SMYD3: variants seen among roughly 807,000 people sequenced by gnomAD.
SMYD3 encodes SET and MYND domain containing 3, also known as histone-lysine N-methyltransferase SMYD3.
In SMYD3, 36 loss-of-function variants were observed where a neutral mutation model predicts 57.7. That is an observed-to-expected ratio of 0.62 (90% CI 0.48 to 0.82). The LOEUF (loss-of-function observed/expected upper bound fraction) is 0.82. Among genes scored for constraint, SMYD3 ranks in the 40% least tolerant of loss-of-function variants. The pLI is 0.00. For synonymous variants in SMYD3, 211 were observed against 195.0 expected, an observed-to-expected ratio of 1.08 and a Z score of -0.68; for missense variants, 515 against 538.8, an observed-to-expected ratio of 0.96 and a Z score of 0.44.
At chr1:245,880,898 G>A (rs1434262470) in intron 8 of SMYD3, among the ~76,000 whole-genome samples, 1 of 152,200 alleles carries the variant, frequency 6.6e-6, no homozygotes, top group African/African-American at 2.4e-5. Flanking sequence ...TTGCCCAAGA[G>A]TGGAACATTG....
chr1:245,828,689 C>T (rs1161317140), intron 10 of SMYD3, among the ~76,000 whole-genome samples: 1 of 148,368 alleles, frequency 6.7e-6, no homozygotes, highest in African/African-American at 2.5e-5. Context: ...CATATTAGGA[C>T]ATGGATGTCA....
At chr1:246,385,528 G>T (rs894512437) in intron 1 of SMYD3, among the ~76,000 whole-genome samples, 1 of 152,028 alleles carries the variant, frequency 6.6e-6, no homozygotes, top group Non-Finnish European at 1.5e-5. Context: ...ATTCCTAGGA[G>T]AGAAAGGACC....
intron 5 of SMYD3, among the ~76,000 whole-genome samples, chr1:245,965,786 T>C (rs190857988): frequency 3.3e-5 from 5 of 152,316 alleles, no homozygotes; most frequent in African/African-American, 1.2e-4. Flanking sequence ...GAAAAAAGTC[T>C]GTATGACGCT....
chr1:246,054,873 T>TAAAA lies in SMYD3; in HGVS notation c.532-124940_532-124937dup, dbSNP rs749022916. Among the ~76,000 whole-genome samples, 7 of 79,104 alleles carry TAAAA rather than the reference T, an allele frequency of 8.8e-5. 1 individual carries two copies. The highest frequency in any genetic ancestry group is 3.9e-4 in the South Asian group (1 of 2,590). 51.9% of individuals were successfully genotyped at this position (79,104 alleles called of 152,430 possible). ...ACCTTAACACTCATTAGGATGACTA[T>TAAAA]AAAAAAAAAAAAAAAAAAAAGGCCA... On this transcript the variant is annotated intron_variant, in intron 5 of 11. Transcript: ENST00000490107.
At chr1:246,304,945 G>T (rs933242395) in intron 5 of SMYD3, among the ~76,000 whole-genome samples, 2 of 152,132 alleles carry the variant, frequency 1.3e-5, no homozygotes, top group Non-Finnish European at 1.5e-5. Context: ...ATTAAGAGCA[G>T]CCTTGCTTGC....
At chr1:246,413,933 G>T (rs187617150) in intron 1 of SMYD3, among the ~76,000 whole-genome samples, 3 of 152,090 alleles carry the variant, frequency 2.0e-5, no homozygotes, top group Non-Finnish European at 4.4e-5. Flanking sequence ...TTAAAACTCC[G>T]AAAAAACAAA....
intron 5 of SMYD3, among the ~76,000 whole-genome samples, chr1:246,279,325 A>T (rs564933510): frequency 6.6e-6 from 1 of 152,258 alleles, no homozygotes; most frequent in African/African-American, 2.4e-5. Flanking sequence ...GTTCCAGACC[A>T]GCCTGGCCAA....
chr1:245,958,320 C>T (rs1017495032), intron 5 of SMYD3, among the ~76,000 whole-genome samples: 1 of 152,170 alleles, frequency 6.6e-6, no homozygotes, highest in African/African-American at 2.4e-5. Flanking sequence ...GACTGCTTAT[C>T]CATGAAGGCC....
intron 5 of SMYD3, among the ~76,000 whole-genome samples, chr1:245,965,769 G>A (rs1195205015): frequency 6.6e-6 from 1 of 152,150 alleles, no homozygotes; most frequent in Non-Finnish European, 1.5e-5. Flanking sequence ...AAGATTTTGG[G>A]GGCAGTGAAA....
intron 5 of SMYD3, among the ~76,000 whole-genome samples, chr1:246,207,154 A>T (rs2063012711): frequency 6.6e-6 from 1 of 152,168 alleles, no homozygotes; most frequent in Admixed American, 6.5e-5. Context: ...ATAAAAATTA[A>T]ATATGTGTTA....
intron 10 of SMYD3, among the ~76,000 whole-genome samples, chr1:245,787,529 ATGC>A (rs2047095843): frequency 6.6e-6 from 1 of 152,110 alleles, no homozygotes; most frequent in African/African-American, 2.4e-5. Context: ...GGCCTCACAA[ATGC>A]TGCCTTCTCC....
At chr1:245,821,238 C>T (rs936266878) in intron 10 of SMYD3, among the ~76,000 whole-genome samples, 18 of 148,078 alleles carry the variant, frequency 1.2e-4, no homozygotes, top group South Asian at 4.6e-4. Flanking sequence ...TCAGAAATAA[C>T]GCCACATATC....
intron 5 of SMYD3, among the ~76,000 whole-genome samples, chr1:246,025,218 A>G (rs10802319): frequency 0.34 from 35,287 of 104,390 alleles, 8,910 homozygotes; most frequent in African/African-American, 0.62. Flanking sequence ...ACAGCAAGTG[A>G]ACAGCATCTA....
chr1:246,419,789 A>G (rs2067115678), intron 1 of SMYD3, among the ~76,000 whole-genome samples: 1 of 152,224 alleles, frequency 6.6e-6, no homozygotes, highest in African/African-American at 2.4e-5. Context: ...TCCAAGGTGG[A>G]ATAGTTTCAT....
chr1:246,350,517 G>A (rs1206285460), intron 2 of SMYD3, among the ~76,000 whole-genome samples: 1 of 152,186 alleles, frequency 6.6e-6, no homozygotes, highest in African/African-American at 2.4e-5. Context: ...AGCACGACAT[G>A]ATGACTAAAT....
chr1:245,898,900 G>A (rs1416211586), intron 8 of SMYD3, among the ~76,000 whole-genome samples: 9 of 152,162 alleles, frequency 5.9e-5, no homozygotes, highest in Non-Finnish European at 1.0e-4. Context: ...GGCAAGCCAT[G>A]AGGACCCAAA....
At chr1:246,148,563 C>T (rs999510517) in intron 5 of SMYD3, among the ~76,000 whole-genome samples, 11 of 152,066 alleles carry the variant, frequency 7.2e-5, no homozygotes, top group Admixed American at 2.0e-4. Context: ...CAGAGGTTTC[C>T]GGCCAGAAAA....
intron 9 of SMYD3, 103 bp from the exon 10 acceptor site, chr1:245,858,773 G>C (rs2051385987): frequency 1.7e-6 from 2 of 1,158,446 alleles, no homozygotes; most frequent in Admixed American, 5.1e-5. Context: ...CAGGAGCGAG[G>C]GAAGCACCCG....
chr1:245,929,513 G>C (rs1440741031), intron 6 of SMYD3, among the ~76,000 whole-genome samples: 1 of 152,132 alleles, frequency 6.6e-6, no homozygotes, highest in Non-Finnish European at 1.5e-5. Context: ...GATACGTACG[G>C]CAAGTCCGGT....
Sources: gnomAD v4.1 joint callset for allele counts (sites outside exome capture counted in the v4.1 genomes callset) on GRCh38, gnomAD v4.1.1 for gene constraint, MANE v1.5 for transcripts, NCBI Gene and HGNC (gene_info 2026-07-23, HGNC 2026-07-21) for gene names.